The following PRSS36 variants were observed in gnomAD, a reference collection of about 807,000 sequenced individuals.
The protein encoded by PRSS36 is serine protease 36.
A neutral mutation model predicts 94.3 loss-of-function variants in PRSS36; 90 were observed. The ratio of observed to expected loss-of-function variants is 0.95; its 90% CI spans 0.80 to 1.14. The LOEUF is 1.14. Ranked by LOEUF, PRSS36 falls within the 50% of genes most tolerant of loss-of-function variation. PRSS36 has a pLI of 0.00. For missense variants in PRSS36, 1,158 were observed against 1,135.0 expected (o/e 1.02, Z -0.29); for synonymous variants, 500 against 489.6 (o/e 1.02, Z -0.28).
At position 31,149,446 on chromosome 16, in the gene PRSS36, C is replaced by T. The variant is rs745703219; in HGVS notation, c.109+17G>A. ...AGCCTCCTTTAAGGTCTGAGGGTGC[C>T]AAGGCCTCTTCCTTACCCAGATCTT... On this transcript the variant is annotated intron_variant, in intron 3 of 14. Coordinates refer to ENST00000268281, the MANE Select transcript of PRSS36 (RefSeq NM_173502.5). 6.8e-6 allele frequency: 11 copies of T among 1,614,000 alleles called. No homozygotes were observed. The highest frequency in any genetic ancestry group is 1.6e-4 in the Middle Eastern group (1 of 6,062).
chr16:31,142,005 A>C, intron 10 of PRSS36, 45 bp from the exon 11 acceptor site: 1 of 1,542,846 alleles, frequency 6.5e-7, no homozygotes, highest in Non-Finnish European at 9.0e-7. Flanking sequence ...GCGTGTGTGC[A>C]GAGAATATCA....
chr16:31,143,387 A>G lies in PRSS36; in HGVS notation c.1055T>C (p.Leu352Pro). The G allele has an allele frequency of 6.2e-7, 1 of 1,612,502 alleles. No homozygotes were observed. Among genetic ancestry groups the G allele is most frequent in the Admixed American group, 1.7e-5 (1 of 59,682 alleles). ...VPGSRPCHGALVSESWVLAPA... is the reference protein window; with the variant it reads ...VPGSRPCHGAPVSESWVLAPA... The stretch of plus-strand genomic sequence containing the variant: ...TGCCAAGACCCAGCTTTCAGACACC[A>G]GCGCCCCATGGCAGGGTCTGGATCC... Residue 352 changes from leucine (L) to proline (P), a missense_variant, in exon 8 of 15, where the codon CTG becomes CCG. Physicochemically the swap from Leu to Pro is moderately conservative, Grantham distance 98. Coordinates refer to ENST00000268281, the MANE Select transcript of PRSS36 (RefSeq NM_173502.5).
intron 12 of PRSS36, 94 bp downstream of exon 12, chr16:31,141,375 T>TAAAA: frequency 1.4e-5 from 11 of 795,272 alleles, no homozygotes; most frequent in Non-Finnish European, 2.0e-5. Flanking sequence ...TTAATTTTTT[T>TAAAA]TAAACAAACA....
intron 5 of PRSS36, among the ~76,000 whole-genome samples, chr16:31,146,216 G>A (rs761310230): frequency 1.3e-5 from 2 of 152,250 alleles, no homozygotes; most frequent in Admixed American, 6.5e-5. Flanking sequence ...AGGATGCAAT[G>A]TAGGGACTAA....
chr16:31,145,655 AAACTTCACGTC>A, intron 6 of PRSS36, 123 bp downstream of exon 6: 2 of 892,208 alleles, frequency 2.2e-6, no homozygotes, highest in Non-Finnish European at 3.4e-6. Flanking sequence ...CACAAACAAA[AAACTTCACGTC>A]AACCCCATCC....
rs1432131734 is a variant in PRSS36 at position 31,150,012 on chromosome 16, G to A, written c.24C>T (p.Pro8=). The A allele has an allele frequency of 1.9e-6, 3 of 1,614,016 alleles. 1 individual carries two copies. The highest frequency in any genetic ancestry group is 3.3e-5 in the Admixed American group (2 of 60,000). MARHLLL[P]LVMLVISPIP... ...CCCTGAGGTTACCAAGCATCACAAG[G>A]GGGAGGAGCAGGTGCCGGGCCATGG... The change falls in exon 1 of 15, where the codon CCC becomes CCT. Residue 8 remains proline, a synonymous_variant. Coordinates refer to ENST00000268281, the MANE Select transcript of PRSS36 (RefSeq NM_173502.5).
chr16:31,144,495 A>G (rs1206326838), intron 6 of PRSS36, among the ~76,000 whole-genome samples: 1 of 152,020 alleles, frequency 6.6e-6, no homozygotes, highest in African/African-American at 2.4e-5. Context: ...TTTTTTTGGG[A>G]TGAGGTATCA....
intron 5 of PRSS36, among the ~76,000 whole-genome samples, chr16:31,148,190 G>A (rs1344034855): frequency 6.6e-6 from 1 of 152,136 alleles, no homozygotes; most frequent in Non-Finnish European, 1.5e-5. Context: ...GGGTGATTCC[G>A]TGGTCTTAGT....
At position 31,148,376 on chromosome 16, in the gene PRSS36, C is replaced by T. The variant is rs770215891; in HGVS notation, c.553+19G>A. 1.9e-6 allele frequency: 3 copies of T among 1,543,926 alleles called. No homozygotes were observed. Among genetic ancestry groups the T allele is most frequent in the South Asian group, 2.4e-5 (2 of 84,014 alleles). On this transcript the variant is annotated intron_variant, in intron 5 of 14. Coordinates refer to ENST00000268281, the MANE Select transcript of PRSS36 (RefSeq NM_173502.5). ...CCCCACCTCCCCGAGGCCCTCCCCT[C>T]TTGTCCCGTCCCACTCACCTGCCTC... is the stretch of plus-strand genomic sequence containing the variant.
In PRSS36 at chr16:31,142,506, T is replaced by C. The variant is rs1050115956; in HGVS notation, c.1496A>G (p.Glu499Gly). Residue 499 changes from glutamate (E) to glycine (G), a missense_variant, in exon 10 of 15, where the codon GAA (glutamate) becomes GGA (glycine). Physicochemically the swap from Glu to Gly is moderately conservative, Grantham distance 98. Coordinates refer to ENST00000268281, the MANE Select transcript of PRSS36 (RefSeq NM_173502.5). ...CCAGCAGCTGCCCACCTCCTCCTTT[T>C]CCTGGTAGGCAGGGCAGAGCGCGTG... Reference protein sequence around the residue: ...PPHALCPAYQEKEEVGSCWND... With the variant: ...PPHALCPAYQGKEEVGSCWND... The C allele has an allele frequency of 6.7e-7, 1 of 1,494,422 alleles. No homozygotes were observed. Among genetic ancestry groups the C allele is most frequent in the African/African-American group, 1.4e-5 (1 of 70,044 alleles). The allele number at this position is 1,494,422 out of a possible 1,614,324, so 92.6% of individuals were successfully genotyped here. A position where few individuals can be genotyped will look rare whatever the true frequency, so the allele number is the denominator to read the frequency against.
intron 14 of PRSS36, among the ~76,000 whole-genome samples, chr16:31,140,063 T>C (rs1480048470): frequency 2.7e-5 from 4 of 149,188 alleles, no homozygotes; most frequent in South Asian, 2.1e-4. Flanking sequence ...TAGTAGCGGG[T>C]GCCTGTAGTC....
Position 31,149,061 on chromosome 16 carries a change from G to A in PRSS36, c.272+12C>T. On this transcript the variant is annotated intron_variant, in intron 4 of 14. Transcript: ENST00000268281. ...TTGGCGGAGAGGGGCCAGGACCAGGGCGAATACTCACGTCATGAAACAGTG... is the reference window on the plus strand; with the variant it reads ...TTGGCGGAGAGGGGCCAGGACCAGGACGAATACTCACGTCATGAAACAGTG... 6.3e-7 allele frequency: 1 copy of A among 1,586,238 alleles called. No homozygotes were observed. The highest frequency in any genetic ancestry group is 8.6e-7 in the Non-Finnish European group (1 of 1,167,934).
Position 31,143,776 on chromosome 16 carries a change from G to A in PRSS36, c.782C>T (p.Thr261Ile), listed in dbSNP as rs2057755895. 6 of 1,614,126 alleles carry A rather than the reference G, an allele frequency of 3.7e-6. No individual in the cohort carries two copies. The East Asian group carries it at 1.3e-4, about 36-fold the overall frequency. ...CCGTCCACAGCCAAAGCCAAAGCTG[G>A]TGATTCCTGCCTGGAACCAGCGGCC... ...EGGRWFQAGI[T>I]SFGFGCGRRN... is the part of the protein sequence containing the mutation. Residue 261 changes from threonine to isoleucine, a missense_variant, in exon 7 of 15, where the codon ACC (threonine) becomes ATC (isoleucine). By Grantham distance (89) the Thr-to-Ile change is moderately conservative (BLOSUM62 -1). Coordinates refer to ENST00000268281, the MANE Select transcript of PRSS36 (RefSeq NM_173502.5).
chr16:31,140,991 C>G (rs1468971545), intron 12 of PRSS36, among the ~76,000 whole-genome samples: 2 of 152,176 alleles, frequency 1.3e-5, no homozygotes, highest in Non-Finnish European at 2.9e-5. Flanking sequence ...GTGGCGCAAT[C>G]TTGGCTCACT....
At chr16:31,141,043 C>T (rs59611355) in intron 12 of PRSS36, among the ~76,000 whole-genome samples, 2,492 of 152,272 alleles carry the variant, frequency 0.016, 49 homozygotes, top group African/African-American at 0.049. Context: ...TCTCCTGCCT[C>T]AGCCTCCCAC....
chr16:31,148,277 C>G, intron 5 of PRSS36, 118 bp downstream of exon 5: 1 of 1,148,958 alleles, frequency 8.7e-7, no homozygotes, highest in African/African-American at 1.6e-5. Context: ...AACCTACCCT[C>G]CAACGCTCCC....
Position 31,149,211 on chromosome 16 carries a change from G to A in PRSS36, c.134C>T (p.Ala45Val). ...CGCGTTTGAGCCCCCCACGATGCGGGCCGAGGGCTCAGGGCGCCCGCAGTC... is the reference window on the plus strand; with the variant it reads ...CGCGTTTGAGCCCCCCACGATGCGGACCGAGGGCTCAGGGCGCCCGCAGTC... The part of the protein sequence containing the change: ...DLDCGRPEPS[A>V]RIVGGSNAQP... Residue 45 changes from alanine to valine, a missense_variant, in exon 4 of 15, where the codon GCC becomes GTC. Transcript: ENST00000268281. The A allele has an allele frequency of 6.4e-7, 1 of 1,563,828 alleles. No homozygotes were observed. Among genetic ancestry groups the A allele is most frequent in the Non-Finnish European group, 8.7e-7 (1 of 1,154,998 alleles).
chr16:31,142,915 CCGCTCCGCGCGCGGG>C lies in PRSS36; in HGVS notation c.1164_1178del (p.Pro389_Arg393del). 6.5e-7 allele frequency: 1 copy of C among 1,531,412 alleles called. No individual in the cohort carries two copies. Among genetic ancestry groups the C allele is most frequent in the Non-Finnish European group, 8.7e-7 (1 of 1,145,612 alleles). The allele number at this position is 1,531,412 out of a possible 1,614,324, so 94.9% of individuals were successfully genotyped here. A position where few individuals can be genotyped will look rare whatever the true frequency, so the allele number is the denominator to read the frequency against. ...TCTCGTGCTGCACCAGGCGCGCCAC[CCGCTCCGCGCGCGGG>C]CGCGAGGGCAGCAGCACGCGCCAGG... is the stretch of plus-strand genomic sequence containing the variant. On this transcript the variant is annotated inframe_deletion, in exon 9 of 15. Coordinates refer to ENST00000268281, the MANE Select transcript of PRSS36 (RefSeq NM_173502.5).
At position 31,140,417 on chromosome 16, in the gene PRSS36, T is replaced by C. The variant is rs752208266; in HGVS notation, c.2168-2A>G. 2.5e-6 allele frequency: 4 copies of C among 1,612,982 alleles called. No individual in the cohort carries two copies. In the East Asian group the frequency reaches 8.9e-5, roughly 36 times the overall value. ...TGGAGACAGCAGCAGCCACAGGGAC[T>C]GGGGAGAGGAGACAAAGTTGTTCCA... On this transcript the variant is annotated splice_acceptor_variant, in intron 13 of 14. Transcript: ENST00000268281. LOFTEE classifies it high-confidence loss of function.
Sources: gnomAD v4.1 joint callset for allele counts (sites outside exome capture counted in the v4.1 genomes callset) on GRCh38, gnomAD v4.1.1 for gene constraint, MANE v1.5 for transcripts, NCBI Gene and HGNC (gene_info 2026-07-23, HGNC 2026-07-21) for gene names.